Variants in SYNE2 observed in about 807,000 individuals in gnomAD.
The protein encoded by SYNE2 is spectrin repeat containing nuclear envelope protein 2, also known as nesprin-2.
A neutral mutation model predicts 856.3 loss-of-function variants in SYNE2; 431 were observed. That is an observed-to-expected ratio of 0.50 (90% CI 0.47 to 0.55). The LOEUF is 0.55. Among genes scored for constraint, SYNE2 ranks in the 20% least tolerant of loss-of-function variants. SYNE2 has a pLI of 0.00. For synonymous variants in SYNE2, 2,923 were observed against 2,872.3 expected (o/e 1.02, Z -0.56); for missense variants, 8,129 against 8,023.2 (o/e 1.01, Z -0.50).
intron 52 of SYNE2, among the ~76,000 whole-genome samples, chr14:64,073,233 C>T (rs1410459394): frequency 6.6e-6 from 1 of 152,126 alleles, no homozygotes; most frequent in Non-Finnish European, 1.5e-5. Context: ...ACCTTTTAAT[C>T]ACATAGTTGG....
At chr14:63,871,367 G>A (rs190680721) in intron 1 of SYNE2, among the ~76,000 whole-genome samples, 2 of 151,992 alleles carry the variant, frequency 1.3e-5, no homozygotes, top group African/African-American at 2.4e-5. Flanking sequence ...TGCCATGCCC[G>A]GCTAATTTTT....
chr14:64,152,419 T>C (rs1595868464), intron 84 of SYNE2, 145 bp from the exon 85 acceptor site: 1 of 771,824 alleles, frequency 1.3e-6, no homozygotes, highest in African/African-American at 1.8e-5. Context: ...AAGAGTATTA[T>C]GATTTAAATT....
At chr14:63,931,945 A>C (rs995225766) in intron 2 of SYNE2, among the ~76,000 whole-genome samples, 2 of 152,190 alleles carry the variant, frequency 1.3e-5, no homozygotes, top group African/African-American at 4.8e-5. Flanking sequence ...TTTAATTTCT[A>C]TCTTATATCC....
chr14:64,178,392 G>T (rs2153734358), intron 96 of SYNE2, among the ~76,000 whole-genome samples: 1 of 152,260 alleles, frequency 6.6e-6, no homozygotes, highest in South Asian at 2.1e-4. Flanking sequence ...CCCTGGATTT[G>T]GTGTTCATCA....
At chr14:63,880,497 AAG>A (rs140809056) in intron 1 of SYNE2, among the ~76,000 whole-genome samples, 7,269 of 152,160 alleles carry the variant, frequency 0.048, 224 homozygotes, top group Middle Eastern at 0.099. Flanking sequence ...TTAAGAAAAA[AAG>A]AATTCTATGT....
chr14:64,155,576 A>T lies in SYNE2; in HGVS notation c.15792+2860A>T, dbSNP rs565441541. Among the ~76,000 whole-genome samples, 4 of 128,296 alleles carry T rather than the reference A, an allele frequency of 3.1e-5. No homozygotes were observed. In the South Asian group the frequency reaches 9.5e-4, roughly 30 times the overall value. The allele number at this position is 128,296 out of a possible 152,430, so 84.2% of individuals were successfully genotyped here. A position where few individuals can be genotyped will look rare whatever the true frequency, so the allele number is the denominator to read the frequency against. On this transcript the variant is annotated intron_variant, in intron 85 of 115. Coordinates refer to ENST00000555002, the MANE Select transcript of SYNE2 (RefSeq NM_182914.3). Reference sequence around the variant, plus strand: ...TACATGAATTATATTTCAATAAAGTAAAAAAAAAAAAAACGCAGAAGGCGT... The same window carrying T: ...TACATGAATTATATTTCAATAAAGTTAAAAAAAAAAAAACGCAGAAGGCGT...
chr14:63,898,221 C>T (rs1056544214), intron 1 of SYNE2, among the ~76,000 whole-genome samples: 2 of 152,080 alleles, frequency 1.3e-5, no homozygotes, highest in Admixed American at 1.3e-4. Context: ...CCACAGCTTG[C>T]ACCCCAAACC....
At chr14:64,147,584 A>G (rs2153698594) in intron 84 of SYNE2, among the ~76,000 whole-genome samples, 1 of 152,232 alleles carries the variant, frequency 6.6e-6, no homozygotes, top group Middle Eastern at 3.4e-3. Flanking sequence ...TCTTCCCACA[A>G]CCTCACTACC....
intron 7 of SYNE2, among the ~76,000 whole-genome samples, chr14:63,953,539 GAGAGAGATAGAT>G: frequency 7.6e-6 from 1 of 131,374 alleles, no homozygotes; most frequent in African/African-American, 3.0e-5. Flanking sequence ...GATAGAGAGA[GAGAGAGATAGAT>G]AGATAGATAG....
intron 2 of SYNE2, among the ~76,000 whole-genome samples, chr14:63,924,863 T>C (rs1360247438): frequency 1.4e-5 from 2 of 142,124 alleles, no homozygotes; most frequent in African/African-American, 5.1e-5. Context: ...TTTTTTTTTT[T>C]GCCTTACTCC....
At chr14:64,176,587 C>T (rs1017120297) in intron 95 of SYNE2, among the ~76,000 whole-genome samples, 2 of 151,978 alleles carry the variant, frequency 1.3e-5, no homozygotes, top group African/African-American at 4.8e-5. Context: ...AGAGGGGTGA[C>T]GGTGGAAAAG....
At chr14:63,877,817 CTG>C (rs1182244038) in intron 1 of SYNE2, among the ~76,000 whole-genome samples, 8 of 151,320 alleles carry the variant, frequency 5.3e-5, no homozygotes, top group Non-Finnish European at 1.0e-4. Context: ...TACTTTATGA[CTG>C]TCTATAAGGT....
At chr14:64,020,904 C>A (rs2096931267) in intron 35 of SYNE2, among the ~76,000 whole-genome samples, 1 of 152,126 alleles carries the variant, frequency 6.6e-6, no homozygotes, top group African/African-American at 2.4e-5. Context: ...CATTCTTAAG[C>A]CTGTATTTTG....
intron 1 of SYNE2, among the ~76,000 whole-genome samples, chr14:63,793,765 C>A (rs1264897993): frequency 6.7e-6 from 1 of 149,628 alleles, no homozygotes; most frequent in Non-Finnish European, 1.5e-5. Context: ...AATGAGGCCC[C>A]CCCCCAACTA....
chr14:63,861,144 GTTTT>G (rs71123806), intron 1 of SYNE2, among the ~76,000 whole-genome samples: 2,818 of 128,342 alleles, frequency 0.022, 101 homozygotes, highest in African/African-American at 0.077. Flanking sequence ...TTACCACATT[GTTTT>G]TTTTTTTTTT....
chr14:64,091,407 C>T (rs544488964), intron 60 of SYNE2, among the ~76,000 whole-genome samples: 7 of 152,252 alleles, frequency 4.6e-5, no homozygotes, highest in Admixed American at 1.3e-4. Flanking sequence ...CAGTGACTCT[C>T]CTATTGATTT....
intron 11 of SYNE2, among the ~76,000 whole-genome samples, chr14:63,973,105 A>AAT (rs1297717486): frequency 1.3e-5 from 2 of 151,942 alleles, no homozygotes; most frequent in African/African-American, 4.8e-5. Context: ...AAAATACAAA[A>AAT]ATTAGCCAAG....
Position 64,224,491 on chromosome 14 carries a change from G to A in SYNE2, c.20413G>A (p.Glu6805Lys), listed in dbSNP as rs199923651. 23 of 1,613,906 alleles carry A rather than the reference G, an allele frequency of 1.4e-5. No individual in the cohort carries two copies. The highest frequency in any genetic ancestry group is 5.3e-5 in the African/African-American group (4 of 74,890). ...NPASPLPSFD[E>K]VDSGDQPPAT... Reference sequence around the variant, plus strand: ...AGCCTCACCCCTGCCCAGCTTCGACGAGGTAGACTCGGGGGACCAGCCTCC... The same window carrying A: ...AGCCTCACCCCTGCCCAGCTTCGACAAGGTAGACTCGGGGGACCAGCCTCC... Residue 6805 changes from glutamate (E) to lysine (K), a missense_variant, in exon 114 of 116, where the codon GAG becomes AAG. Physicochemically the swap from Glu to Lys is moderately conservative, Grantham distance 56 (BLOSUM62 1). Around this residue, in one of 3 missense-constraint regions of SYNE2, gnomAD observed 5,410 missense variants for 5,284.8 expected, o/e 1.02. Transcript: ENST00000555002.
chr14:64,136,289 C>CAAA (rs34694248), intron 78 of SYNE2, among the ~76,000 whole-genome samples: 46 of 61,998 alleles, frequency 7.4e-4, no homozygotes, highest in African/African-American at 2.0e-3. Flanking sequence ...GACTTCATCT[C>CAAA]AAAAAAAAAA....
Sources: allele counts gnomAD v4.1 joint callset (sites outside exome capture counted in the v4.1 genomes callset), GRCh38; gene constraint gnomAD v4.1.1; regional missense constraint gnomAD v4.1.1; transcripts MANE v1.5; gene names NCBI Gene and HGNC (gene_info 2026-07-23, HGNC 2026-07-21).